Variants in PDE6D observed in about 807,000 individuals in gnomAD.
The protein encoded by PDE6D is retinal rod rhodopsin-sensitive cGMP 3',5'-cyclic phosphodiesterase subunit delta.
In PDE6D, 10 loss-of-function variants were observed where a neutral mutation model predicts 21.9. The observed-to-expected ratio is 0.46, with a 90% CI of 0.28 to 0.78. The LOEUF is 0.78. Ranked by LOEUF, PDE6D falls within the 30% of genes least tolerant of loss-of-function variation. PDE6D has a pLI of 0.12. For missense variants in PDE6D, 139 were observed against 184.8 expected, an observed-to-expected ratio of 0.75 and a Z score of 1.44; for synonymous variants, 59 against 63.5, an observed-to-expected ratio of 0.93 and a Z score of 0.34.
Position 231,741,113 on chromosome 2 carries a change from CAAAAAAAAAAA to C in PDE6D, c.51-1936_51-1926del, listed in dbSNP as rs56947117. Among the ~76,000 whole-genome samples the C allele has an allele frequency of 5.5e-5, 3 of 54,874 alleles. No homozygotes were observed. The East Asian group carries it at 1.9e-3, about 35-fold the overall frequency. 36.0% of individuals were successfully genotyped at this position (54,874 alleles called of 152,430 possible). A position where few individuals can be genotyped will look rare whatever the true frequency, so the allele number is the denominator to read the frequency against. ...CCTCAACAAGAGCGAAACCCTGTCT[CAAAAAAAAAAA>C]AAAAAAAAAAAAAAGGGTGTAGCAA... On this transcript the variant is annotated intron_variant, in intron 1 of 4. Transcript: ENST00000287600.
chr2:231,780,512 G>A (rs2049103269), intron 1 of PDE6D, among the ~76,000 whole-genome samples: 3 of 152,226 alleles, frequency 2.0e-5, no homozygotes, highest in Non-Finnish European at 2.9e-5. Flanking sequence ...TGGAAGAGAA[G>A]TTGTGGAAAC....
intron 1 of PDE6D, among the ~76,000 whole-genome samples, chr2:231,765,295 G>GT (rs2048961066): frequency 6.6e-6 from 1 of 151,592 alleles, no homozygotes; most frequent in Non-Finnish European, 1.5e-5. Context: ...AAATAAAAAA[G>GT]TGGGAGGGGG....
chr2:231,761,815 C>A (rs2048932451), intron 1 of PDE6D, among the ~76,000 whole-genome samples: 5 of 152,132 alleles, frequency 3.3e-5, no homozygotes, highest in Admixed American at 3.3e-4. Context: ...TACTGGTGCT[C>A]CCAGCAGTCA....
At chr2:231,753,251 C>T (rs1413862419) in intron 1 of PDE6D, among the ~76,000 whole-genome samples, 1 of 148,410 alleles carries the variant, frequency 6.7e-6, no homozygotes, top group Non-Finnish European at 1.5e-5. Context: ...CGGCCGGGAG[C>T]GGTGGCTCAC....
chr2:231,770,293 T>C (rs1466389667), intron 1 of PDE6D, among the ~76,000 whole-genome samples: 1 of 152,200 alleles, frequency 6.6e-6, no homozygotes, highest in African/African-American at 2.4e-5. Flanking sequence ...GGACTGTGCT[T>C]AAGATGAAAA....
chr2:231,748,026 C>T (rs1054358617), intron 1 of PDE6D, among the ~76,000 whole-genome samples: 9 of 152,162 alleles, frequency 5.9e-5, no homozygotes, highest in East Asian at 1.9e-4. Flanking sequence ...TTCCCAGTTT[C>T]GGGTATGTCT....
In PDE6D at chr2:231,781,252, C is replaced by T. The variant is rs1017401953; in HGVS notation, c.-138G>A. The stretch of plus-strand genomic sequence containing the variant: ...GCCGCAGCGGCCAGACCAGGACCGG[C>T]CTCTCTCTCCCCTCAGCTCCCGCTT... On this transcript the variant is annotated 5_prime_UTR_variant, in exon 1 of 5. Transcript: ENST00000287600. The T allele has an allele frequency of 1.4e-6, 1 of 723,792 alleles. No homozygotes were observed. Among genetic ancestry groups the T allele is most frequent in the South Asian group, 1.7e-5 (1 of 59,626 alleles). 44.8% of individuals were successfully genotyped at this position (723,792 alleles called of 1,614,324 possible).
At chr2:231,738,218 C>G in intron 2 of PDE6D, 80 bp from the exon 3 acceptor site, 2 of 1,336,550 alleles carry the variant, frequency 1.5e-6, no homozygotes, top group Non-Finnish European at 2.1e-6. Context: ...CTGGGAGCTT[C>G]TTACAGCTGA....
At chr2:231,743,428 C>CAAAAA (rs34916848) in intron 1 of PDE6D, among the ~76,000 whole-genome samples, 31 of 58,596 alleles carry the variant, frequency 5.3e-4, no homozygotes, top group Non-Finnish European at 6.5e-4. Context: ...GATTCCGTCT[C>CAAAAA]AAAAAAAAAA....
chr2:231,733,706 C>A (rs1480516074), intron 4 of PDE6D, among the ~76,000 whole-genome samples: 2 of 152,196 alleles, frequency 1.3e-5, no homozygotes, highest in African/African-American at 2.4e-5. Context: ...CAGCTCTCCC[C>A]CTTAGTCTTT....
Position 231,732,996 on chromosome 2 carries a change from C to A in PDE6D, c.409G>T (p.Asp137Tyr). 2.5e-6 allele frequency: 4 copies of A among 1,612,184 alleles called. No homozygotes were observed. Among genetic ancestry groups the A allele is most frequent in the Non-Finnish European group, 3.4e-6 (4 of 1,178,332 alleles). ...ACTCTGGATGTGCTTACAAGAAGATCGTCGTCAAAAAACTTTGTTTCTATG... is the reference window on the plus strand; with the variant it reads ...ACTCTGGATGTGCTTACAAGAAGATAGTCGTCAAAAAACTTTGTTTCTATG... Reference protein sequence around the residue: ...VIIETKFFDDDLLVSTSRVRL... With the variant: ...VIIETKFFDDYLLVSTSRVRL... Residue 137 changes from aspartate (D) to tyrosine (Y), a missense_variant, in exon 5 of 5, where the codon GAT (aspartate) becomes TAT (tyrosine). By Grantham distance (160) the Asp-to-Tyr change is radical (BLOSUM62 -3). Transcript: ENST00000287600.
At chr2:231,774,766 T>C (rs1559336500) in intron 1 of PDE6D, among the ~76,000 whole-genome samples, 1 of 152,088 alleles carries the variant, frequency 6.6e-6, no homozygotes, top group Non-Finnish European at 1.5e-5. Context: ...AATTTTTGTA[T>C]TTTTAGTAGA....
At chr2:231,737,314 G>C in intron 3 of PDE6D, 22 bp from the exon 4 acceptor site, 1 of 1,321,164 alleles carries the variant, frequency 7.6e-7, no homozygotes, top group Admixed American at 1.7e-5. Context: ...AGGAAAAGCC[G>C]GGGTGAGCAG....
At chr2:231,740,508 C>G (rs986250439) in intron 1 of PDE6D, among the ~76,000 whole-genome samples, 4 of 151,498 alleles carry the variant, frequency 2.6e-5, no homozygotes, top group Non-Finnish European at 5.9e-5. Context: ...CATGGTGAAA[C>G]CCCATCTCTA....
intron 1 of PDE6D, 43 bp downstream of exon 1, chr2:231,781,003 TCTCCTCAGTGAGCGGCCGC>T: frequency 6.9e-7 from 1 of 1,441,540 alleles, no homozygotes; most frequent in South Asian, 1.2e-5. Context: ...CCCCGGCCAG[TCTCCTCAGTGAGCGGCCGC>T]CTCCCAAGTC....
At chr2:231,770,573 T>G (rs2049006740) in intron 1 of PDE6D, among the ~76,000 whole-genome samples, 1 of 152,144 alleles carries the variant, frequency 6.6e-6, no homozygotes, top group Admixed American at 6.6e-5. Context: ...ATTCCAGCAC[T>G]TGGGGAGGCC....
rs1227326831 is a variant in PDE6D, at chr2:231,744,940, C to T, written c.51-5752G>A. 4.6e-5 allele frequency among the ~76,000 whole-genome samples: 7 copies of T among 152,078 alleles called. No individual in the cohort carries two copies. The East Asian group carries it at 1.2e-3, about 25-fold the overall frequency. The stretch of plus-strand genomic sequence containing the variant: ...TTGTAAGATTTTATCCTCAATACAG[C>T]ATTAGAGAAATACAAAGAGAGCTCC... On this transcript the variant is annotated intron_variant, in intron 1 of 4. Coordinates refer to ENST00000287600, the MANE Select transcript of PDE6D (RefSeq NM_002601.4).
intron 4 of PDE6D, among the ~76,000 whole-genome samples, chr2:231,733,652 A>T (rs1392316641): frequency 1.3e-5 from 2 of 151,954 alleles, no homozygotes; most frequent in Non-Finnish European, 2.9e-5. Flanking sequence ...CTCCTTGAGG[A>T]AGCCATCCAG....
At chr2:231,774,815 C>A (rs765349930) in intron 1 of PDE6D, among the ~76,000 whole-genome samples, 2 of 151,920 alleles carry the variant, frequency 1.3e-5, no homozygotes, top group Admixed American at 6.6e-5. Flanking sequence ...GGCCTCGAAT[C>A]CCTGACCTCA....
Sources: allele counts gnomAD v4.1 joint callset (sites outside exome capture counted in the v4.1 genomes callset), GRCh38; gene constraint gnomAD v4.1.1; transcripts MANE v1.5; gene names NCBI Gene and HGNC (gene_info 2026-07-23, HGNC 2026-07-21).